Variants in TRPC7 observed in about 807,000 individuals in gnomAD.
TRPC7 encodes the protein short transient receptor potential channel 7.
Under a neutral mutation model 90.1 loss-of-function variants are expected in TRPC7, and 42 were observed. The observed-to-expected ratio is 0.47, with a 90% CI of 0.36 to 0.60. The LOEUF (loss-of-function observed/expected upper bound fraction) is 0.60. TRPC7 is among the 20% of genes least tolerant of loss of function. The probability of loss-of-function intolerance (pLI) is 0.00; values close to 1 mark genes in which losing one functional copy is unlikely to be tolerated. For synonymous variants in TRPC7, 451 were observed against 436.3 expected (o/e 1.03, Z -0.42); for missense variants, 955 against 1,112.3 (o/e 0.86, Z 2.01).
At chr5:136,362,003 T>C (rs1342576325) in intron 1 of TRPC7, among the ~76,000 whole-genome samples, 2 of 152,172 alleles carry the variant, frequency 1.3e-5, no homozygotes, top group East Asian at 1.9e-4. Flanking sequence ...ATGACAATAA[T>C]GATCAAAATC....
chr5:136,307,663 G>A (rs979509720), intron 3 of TRPC7, among the ~76,000 whole-genome samples: 16 of 152,242 alleles, frequency 1.1e-4, no homozygotes, highest in African/African-American at 3.9e-4. Flanking sequence ...AGACGTTTTT[G>A]GTTAACGCAA....
At chr5:136,321,976 T>G (rs959936206) in intron 2 of TRPC7, among the ~76,000 whole-genome samples, 13 of 152,138 alleles carry the variant, frequency 8.5e-5, no homozygotes, top group Non-Finnish European at 2.9e-5. Flanking sequence ...TATTTGACAT[T>G]TGGGAATGAA....
At chr5:136,325,360 A>T (rs1423476744) in intron 2 of TRPC7, among the ~76,000 whole-genome samples, 2 of 152,166 alleles carry the variant, frequency 1.3e-5, no homozygotes, top group African/African-American at 2.4e-5. Context: ...GAGAGCAGAG[A>T]AATGGAAAAG....
rs374827291 is a variant in TRPC7, at chr5:136,217,663, G to A, written c.2344-1388C>T. 8.8e-4 allele frequency among the ~76,000 whole-genome samples: 134 copies of A among 152,286 alleles called. 2 individuals carry two copies. The highest frequency in any genetic ancestry group is 4.8e-3 in the South Asian group (23 of 4,834). ...ATCCTACTAGCGGTTAAACTGCAGC[G>A]CTGAATTTCTCATGGACATAGTCTA... is the stretch of plus-strand genomic sequence containing the variant. On this transcript the variant is annotated intron_variant, in intron 10 of 11. Transcript: ENST00000513104.
chr5:136,277,151 A>G (rs1386634547), intron 3 of TRPC7, among the ~76,000 whole-genome samples: 3 of 152,216 alleles, frequency 2.0e-5, no homozygotes. Flanking sequence ...TCAGCACCGC[A>G]GATTGGGCAG....
intron 5 of TRPC7, among the ~76,000 whole-genome samples, chr5:136,261,012 T>TA (rs1296848365): frequency 6.6e-6 from 1 of 152,216 alleles, no homozygotes; most frequent in South Asian, 2.1e-4. Context: ...TTCTAGCTGA[T>TA]ACGAGGCCTT....
chr5:136,243,364 C>G (rs1756229067), intron 7 of TRPC7, among the ~76,000 whole-genome samples: 2 of 152,178 alleles, frequency 1.3e-5, no homozygotes, highest in African/African-American at 4.8e-5. Flanking sequence ...GGGGGGATAC[C>G]TGCAGTGTGC....
At chr5:136,230,358 C>T (rs1018170976) in intron 8 of TRPC7, among the ~76,000 whole-genome samples, 1 of 152,206 alleles carries the variant, frequency 6.6e-6, no homozygotes, top group African/African-American at 2.4e-5. Flanking sequence ...ACAGGCACCC[C>T]GTGGTGTCTT....
At chr5:136,318,098 G>A (rs545620930) in intron 2 of TRPC7, among the ~76,000 whole-genome samples, 2 of 152,328 alleles carry the variant, frequency 1.3e-5, no homozygotes, top group Admixed American at 6.5e-5. Context: ...ACCCAGGCCT[G>A]CGAGGAAGAA....
intron 3 of TRPC7, among the ~76,000 whole-genome samples, chr5:136,292,993 T>C (rs1432201885): frequency 6.6e-6 from 1 of 152,118 alleles, no homozygotes; most frequent in Non-Finnish European, 1.5e-5. Context: ...GTTCAACGTA[T>C]GAAAATCAAT....
In TRPC7 at chr5:136,226,209, A is replaced by G; in HGVS notation, c.2087T>C (p.Leu696Pro). ...AGTTCTTCCTTCATCAAAGTAAGACAGCCAGAGTTTTGCTCGGGCGAACTT... is the reference window on the plus strand; with the variant it reads ...AGTTCTTCCTTCATCAAAGTAAGACGGCCAGAGTTTTGCTCGGGCGAACTT... ...EWKFARAKLW[L>P]SYFDEGRTLP... Residue 696 changes from leucine (L) to proline (P), a missense_variant, in exon 9 of 12, where the codon CTG becomes CCG. Physicochemically the swap from Leu to Pro is moderately conservative, Grantham distance 98. Coordinates refer to ENST00000513104, the MANE Select transcript of TRPC7 (RefSeq NM_020389.3). 3 of 1,552,376 alleles carry G rather than the reference A, an allele frequency of 1.9e-6. No individual in the cohort carries two copies. The highest frequency in any genetic ancestry group is 2.6e-6 in the Non-Finnish European group (3 of 1,147,210).
chr5:136,289,760 T>G (rs940860686), intron 3 of TRPC7, among the ~76,000 whole-genome samples: 2 of 152,212 alleles, frequency 1.3e-5, no homozygotes, highest in South Asian at 2.1e-4. Context: ...TCTGCAGACT[T>G]AAATGTCCCT....
chr5:136,323,283 T>G (rs1486159648), intron 2 of TRPC7, among the ~76,000 whole-genome samples: 1 of 152,240 alleles, frequency 6.6e-6, no homozygotes, highest in Non-Finnish European at 1.5e-5. Context: ...AAACTTCTTT[T>G]TTTTCATAAA....
intron 3 of TRPC7, among the ~76,000 whole-genome samples, chr5:136,304,242 C>T (rs534024411): frequency 6.6e-6 from 1 of 152,150 alleles, no homozygotes; most frequent in Admixed American, 6.5e-5. Flanking sequence ...GGGGACCGAT[C>T]ATGCACCCCT....
rs749228364 is a variant in TRPC7, at chr5:136,315,729, C to T, written c.831G>A (p.Val277=). The T allele has an allele frequency of 6.2e-7, 1 of 1,614,070 alleles. No homozygotes were observed. The highest frequency in any genetic ancestry group is 1.7e-5 in the Admixed American group (1 of 60,010). The change falls in exon 3 of 12, where the codon GTG becomes GTA. Residue 277 remains valine, a synonymous_variant. Coordinates refer to ENST00000513104, the MANE Select transcript of TRPC7 (RefSeq NM_020389.3). Reference sequence around the variant, plus strand: ...CTTCTGTGTCTCGGCACAGGTCCAGCACGCCCACTACAAAATCCTTGCATT... The same window carrying T: ...CTTCTGTGTCTCGGCACAGGTCCAGTACGCCCACTACAAAATCCTTGCATT... ...SMQCKDFVVG[V]LDLCRDTEEV... is the part of the protein sequence containing the mutation.
chr5:136,238,857 G>A (rs544954586), intron 7 of TRPC7, among the ~76,000 whole-genome samples: 1 of 152,296 alleles, frequency 6.6e-6, no homozygotes, highest in South Asian at 2.1e-4. Context: ...CGATAGTAGA[G>A]TGTCTGTTGT....
At chr5:136,324,880 A>T (rs1406660983) in intron 2 of TRPC7, among the ~76,000 whole-genome samples, 2 of 152,194 alleles carry the variant, frequency 1.3e-5, no homozygotes, top group East Asian at 3.8e-4. Context: ...CTTAATGGAG[A>T]TCTTAGAAAT....
chr5:136,362,367 A>C (rs749976747), intron 1 of TRPC7, among the ~76,000 whole-genome samples: 15 of 152,272 alleles, frequency 9.9e-5, no homozygotes, highest in Admixed American at 2.6e-4. Flanking sequence ...GAAATTTAAC[A>C]TTATAGATAC....
intron 2 of TRPC7, among the ~76,000 whole-genome samples, chr5:136,317,409 AG>A: frequency 6.6e-6 from 1 of 152,222 alleles, no homozygotes; most frequent in East Asian, 1.9e-4. Flanking sequence ...GTGAGGGAAG[AG>A]GAGGGGCTTG....
Sources: allele counts gnomAD v4.1 joint callset (sites outside exome capture counted in the v4.1 genomes callset), GRCh38; gene constraint gnomAD v4.1.1; transcripts MANE v1.5; gene names NCBI Gene and HGNC (gene_info 2026-07-23, HGNC 2026-07-21).